The following IRAK1BP1 variants were observed in gnomAD, a reference collection of about 807,000 sequenced individuals.
IRAK1BP1 encodes interleukin-1 receptor-associated kinase 1-binding protein 1.
Under a neutral mutation model 28.0 loss-of-function variants are expected in IRAK1BP1, and 24 were observed. That is an observed-to-expected ratio of 0.86 (90% CI 0.62 to 1.20). The LOEUF is 1.20. Among genes scored for constraint, IRAK1BP1 ranks in the 50% most tolerant of loss-of-function variants. IRAK1BP1 has a pLI of 0.00. For missense variants in IRAK1BP1, 336 were observed against 316.7 expected, an observed-to-expected ratio of 1.06 and a Z score of -0.46; for synonymous variants, 131 against 116.3, an observed-to-expected ratio of 1.13 and a Z score of -0.81.
the IRAK1BP1 span, chr6:78,954,930 C>T: frequency 6.3e-7 from 1 of 1,577,584 alleles, no homozygotes; most frequent in Admixed American, 2.0e-5. Context: ...TAAGACTGGG[C>T]TCTATTACGT....
chr6:78,878,944 G>GA (rs904165671), intron 1 of IRAK1BP1, among the ~76,000 whole-genome samples: 19 of 152,246 alleles, frequency 1.2e-4, no homozygotes, highest in African/African-American at 4.3e-4. Context: ...GAAGTTTACA[G>GA]AAAAAAGAGT....
chr6:78,928,424 G>T, intron 4 of IRAK1BP1, among the ~76,000 whole-genome samples: 1 of 151,936 alleles, frequency 6.6e-6, no homozygotes, highest in East Asian at 1.9e-4. Flanking sequence ...TGTGTGTGTG[G>T]AGTCTTCAGG....
chr6:78,967,718 G>A, the IRAK1BP1 span, among the ~76,000 whole-genome samples: 1 of 152,170 alleles, frequency 6.6e-6, no homozygotes, highest in South Asian at 2.1e-4. Flanking sequence ...TTAATTCTCT[G>A]TGATTTGTCC....
chr6:78,929,056 G>T (rs947832467), intron 4 of IRAK1BP1, among the ~76,000 whole-genome samples: 1 of 152,044 alleles, frequency 6.6e-6, no homozygotes, highest in Non-Finnish European at 1.5e-5. Flanking sequence ...CCCTCCTCCT[G>T]TATTTTTTGG....
intron 4 of IRAK1BP1, among the ~76,000 whole-genome samples, chr6:78,924,023 G>A (rs1772818246): frequency 6.6e-6 from 1 of 152,020 alleles, no homozygotes; most frequent in Admixed American, 6.6e-5. Context: ...AGAAACAAGA[G>A]CAAACACATT....
Position 78,901,094 on chromosome 6 carries a change from T to C in IRAK1BP1, c.*2760T>C, listed in dbSNP as rs1206748067. 2 of 148,212 alleles carry C rather than the reference T, an allele frequency of 1.3e-5. No homozygotes were observed. Among genetic ancestry groups the C allele is most frequent in the Non-Finnish European group, 3.0e-5 (2 of 66,744 alleles). 9.2% of individuals were successfully genotyped at this position (148,212 alleles called of 1,614,324 possible). A position where few individuals can be genotyped will look rare whatever the true frequency, so the allele number is the denominator to read the frequency against. On this transcript the variant is annotated 3_prime_UTR_variant, in exon 4 of 4. Transcript: ENST00000369940. ...ACAAAAATTTAATCACATGGGTAGTTTTTTTTTTTTTAGCTATGGGTTCAT... is the reference window on the plus strand; with the variant it reads ...ACAAAAATTTAATCACATGGGTAGTCTTTTTTTTTTTAGCTATGGGTTCAT...
chr6:78,902,830 C>A lies in IRAK1BP1; in HGVS notation c.*4496C>A. The A allele has an allele frequency of 1.8e-6, 1 of 564,206 alleles. No homozygotes were observed. Among genetic ancestry groups the A allele is most frequent in the South Asian group, 2.3e-5 (1 of 43,182 alleles). The allele number at this position is 564,206 out of a possible 1,614,324, so 34.9% of individuals were successfully genotyped here. ...TACATACATACATACATAAAATGCC[C>A]AGTATCTTACAAGACTGTAGTTCAC... On this transcript the variant is annotated 3_prime_UTR_variant, in exon 4 of 4. Coordinates refer to ENST00000369940, the MANE Select transcript of IRAK1BP1 (RefSeq NM_001010844.4).
At chr6:78,927,826 C>T (rs1431637638) in intron 4 of IRAK1BP1, among the ~76,000 whole-genome samples, 1 of 152,046 alleles carries the variant, frequency 6.6e-6, no homozygotes, top group Non-Finnish European at 1.5e-5. Flanking sequence ...GCACGTTTGT[C>T]AAAAATGAGT....
At chr6:78,954,016 T>A in the IRAK1BP1 span, among the ~76,000 whole-genome samples, 56 of 152,336 alleles carry the variant, frequency 3.7e-4, no homozygotes, top group African/African-American at 1.3e-3. Flanking sequence ...TACCATGTAT[T>A]CCATAAAGAT....
At chr6:78,925,620 A>C (rs1291969716) in intron 4 of IRAK1BP1, among the ~76,000 whole-genome samples, 3 of 152,194 alleles carry the variant, frequency 2.0e-5, no homozygotes, top group Admixed American at 6.5e-5. Flanking sequence ...CCCTGTGGAA[A>C]GCAATTTGGA....
chr6:78,892,973 TG>T (rs2127651292), intron 2 of IRAK1BP1, among the ~76,000 whole-genome samples: 1 of 151,544 alleles, frequency 6.6e-6, no homozygotes, highest in African/African-American at 2.4e-5. Context: ...CAGAGGAAAG[TG>T]GGGGACAAGA....
intron 1 of IRAK1BP1, among the ~76,000 whole-genome samples, chr6:78,883,333 T>C (rs1771298790): frequency 1.3e-5 from 2 of 152,316 alleles, no homozygotes; most frequent in East Asian, 3.9e-4. Context: ...TAGATACATT[T>C]ATATGCATTG....
intron 1 of IRAK1BP1, among the ~76,000 whole-genome samples, chr6:78,873,495 A>G (rs909431454): frequency 1.3e-5 from 2 of 150,262 alleles, no homozygotes; most frequent in African/African-American, 4.9e-5. Flanking sequence ...TTTTTTTTTT[A>G]AACACAGGGT....
chr6:78,935,254 A>T (rs2127672801), intron 4 of IRAK1BP1, among the ~76,000 whole-genome samples: 1 of 152,282 alleles, frequency 6.6e-6, no homozygotes. Context: ...ATACAAAATC[A>T]TTTTAACAAA....
the IRAK1BP1 span, chr6:78,969,805 A>C: frequency 9.2e-7 from 1 of 1,090,850 alleles, no homozygotes; most frequent in Non-Finnish European, 1.3e-6. Flanking sequence ...ACCACATCAA[A>C]CATCGATAGC....
rs1772096429 is a variant in IRAK1BP1 at position 78,901,522 on chromosome 6, ACT to A, written c.*3191_*3192del. On this transcript the variant is annotated 3_prime_UTR_variant, in exon 4 of 4. Coordinates refer to ENST00000369940, the MANE Select transcript of IRAK1BP1 (RefSeq NM_001010844.4). ...TCCTGTTAGAATTTCCTTCTTTTGA[ACT>A]CTGTTTAAAAAAAAAAAAATCTTTC... 6.6e-6 allele frequency: 1 copy of A among 151,312 alleles called. No homozygotes were observed. The highest frequency in any genetic ancestry group is 1.5e-5 in the Non-Finnish European group (1 of 67,880). The allele number at this position is 151,312 out of a possible 1,614,324, so 9.4% of individuals were successfully genotyped here.
chr6:78,879,622 T>C (rs1771148211), intron 1 of IRAK1BP1, among the ~76,000 whole-genome samples: 1 of 152,128 alleles, frequency 6.6e-6, no homozygotes, highest in Non-Finnish European at 1.5e-5. Context: ...AGGATAGAAG[T>C]CCAAGCACTT....
the IRAK1BP1 span, among the ~76,000 whole-genome samples, chr6:78,967,370 T>C: frequency 2.0e-5 from 3 of 152,194 alleles, no homozygotes; most frequent in Non-Finnish European, 4.4e-5. Flanking sequence ...CAAAGAGCTG[T>C]ATCTTATGAC....
chr6:78,945,992 G>C (rs1370955102), exon 5 of IRAK1BP1: 1 of 1,587,236 alleles, frequency 6.3e-7, no homozygotes, highest in Non-Finnish European at 8.6e-7. Flanking sequence ...TTTAGAAAGT[G>C]AGTCTTACTT....
Sources: allele counts gnomAD v4.1 joint callset (sites outside exome capture counted in the v4.1 genomes callset), GRCh38; gene constraint gnomAD v4.1.1; transcripts MANE v1.5; gene names NCBI Gene and HGNC (gene_info 2026-07-23, HGNC 2026-07-21).